Variants in GLT8D2 observed in about 807,000 individuals in gnomAD.
The protein encoded by GLT8D2 is glycosyltransferase 8 domain containing 2, also known as glycosyltransferase 8 domain-containing protein 2.
A neutral mutation model predicts 44.5 loss-of-function variants in GLT8D2; 45 were observed. The observed-to-expected ratio is 1.01, with a 90% CI of 0.80 to 1.30. The LOEUF is 1.30. GLT8D2 is among the 50% of genes most tolerant of loss of function. The pLI is 0.00. For synonymous variants in GLT8D2, 156 were observed against 157.2 expected (o/e 0.99, Z 0.06); for missense variants, 400 against 430.4 (o/e 0.93, Z 0.62).
chr12:103,996,884 C>T, intron 7 of GLT8D2, 37 bp from the exon 8 acceptor site: 4 of 1,476,552 alleles, frequency 2.7e-6, no homozygotes, highest in Middle Eastern at 3.5e-4. Flanking sequence ...AACATTATAG[C>T]ATTTGTTTTT....
rs555487529 is a variant in GLT8D2 at position 104,005,556 on chromosome 12, TCAA to T, written c.113-2253_113-2251del. 2.6e-4 allele frequency among the ~76,000 whole-genome samples: 39 copies of T among 152,112 alleles called. No homozygotes were observed. The South Asian group carries it at 6.4e-3, about 25-fold the overall frequency. On this transcript the variant is annotated intron_variant, in intron 4 of 10. Coordinates refer to ENST00000360814, the MANE Select transcript of GLT8D2 (RefSeq NM_001384711.1). ...TACAAGAAAAAAACAAACAACCCCATCAACAAGTGGGAGAAGGATATGAACAGA... is the reference window on the plus strand; with the variant it reads ...TACAAGAAAAAAACAAACAACCCCATCAAGTGGGAGAAGGATATGAACAGA...
chr12:104,057,516 CAA>C (rs56844816), intron 1 of GLT8D2, among the ~76,000 whole-genome samples: 11 of 135,530 alleles, frequency 8.1e-5, no homozygotes, highest in Admixed American at 1.5e-4. Flanking sequence ...GACCCTGTCT[CAA>C]AAAAAAAAAA....
At chr12:104,010,222 T>C (rs1407419855) in intron 4 of GLT8D2, among the ~76,000 whole-genome samples, 1 of 152,134 alleles carries the variant, frequency 6.6e-6, no homozygotes, top group Non-Finnish European at 1.5e-5. Context: ...AGACCCCTCA[T>C]GATCCAGCCC....
chr12:104,028,927 A>T (rs866733401), intron 1 of GLT8D2, among the ~76,000 whole-genome samples: 8 of 152,058 alleles, frequency 5.3e-5, no homozygotes, highest in Non-Finnish European at 1.0e-4. Flanking sequence ...AAATATGTCA[A>T]TATCATGAAA....
intron 1 of GLT8D2, among the ~76,000 whole-genome samples, chr12:104,025,349 C>T (rs909420301): frequency 2.0e-5 from 3 of 151,938 alleles, no homozygotes; most frequent in Admixed American, 6.6e-5. Flanking sequence ...GCTGGGACTA[C>T]AGGTGCACAC....
intron 1 of GLT8D2, among the ~76,000 whole-genome samples, chr12:104,028,135 C>T (rs1002177003): frequency 1.3e-5 from 2 of 152,186 alleles, no homozygotes; most frequent in Non-Finnish European, 2.9e-5. Flanking sequence ...CAGATAATCG[C>T]ATGCCAATTG....
At chr12:104,062,942 G>A (rs1226791254) in intron 1 of GLT8D2, among the ~76,000 whole-genome samples, 2 of 151,998 alleles carry the variant, frequency 1.3e-5, no homozygotes, top group Admixed American at 6.6e-5. Flanking sequence ...CAGATCAACC[G>A]CGCATTAGAT....
intron 1 of GLT8D2, among the ~76,000 whole-genome samples, chr12:104,034,649 T>C (rs552852530): frequency 1.3e-5 from 2 of 152,378 alleles, no homozygotes; most frequent in Admixed American, 1.3e-4. Context: ...AAGCTTGAAC[T>C]GGGCAGAGCC....
At chr12:104,035,282 C>T (rs760723517) in intron 1 of GLT8D2, among the ~76,000 whole-genome samples, 1 of 152,164 alleles carries the variant, frequency 6.6e-6, no homozygotes, top group African/African-American at 2.4e-5. Context: ...CACAGCTCCT[C>T]GCCAGCAATG....
chr12:104,042,819 T>C (rs1407247416), intron 1 of GLT8D2, among the ~76,000 whole-genome samples: 2 of 152,278 alleles, frequency 1.3e-5, no homozygotes, highest in African/African-American at 2.4e-5. Context: ...TTTAAGAAAG[T>C]TGATGAATTT....
intron 1 of GLT8D2, among the ~76,000 whole-genome samples, chr12:104,033,137 C>T (rs551012572): frequency 6.6e-6 from 1 of 152,296 alleles, no homozygotes; most frequent in African/African-American, 2.4e-5. Context: ...CCACCTCAGC[C>T]TCCCAAAGTG....
At chr12:104,022,078 A>G (rs949036609) in intron 1 of GLT8D2, among the ~76,000 whole-genome samples, 15 of 140,860 alleles carry the variant, frequency 1.1e-4, no homozygotes, top group Admixed American at 3.5e-4. Flanking sequence ...AAGAAAGAAA[A>G]AAAAAGAAAG....
intron 4 of GLT8D2, among the ~76,000 whole-genome samples, chr12:104,009,063 G>A (rs756405912): frequency 6.6e-6 from 1 of 152,220 alleles, no homozygotes; most frequent in African/African-American, 2.4e-5. Context: ...GAGCCCCCAC[G>A]CAGAGTCCCT....
chr12:104,006,554 CTG>C (rs1345389756), intron 4 of GLT8D2, among the ~76,000 whole-genome samples: 2 of 152,276 alleles, frequency 1.3e-5, no homozygotes, highest in African/African-American at 4.8e-5. Flanking sequence ...GAAGAGATAA[CTG>C]TGCATGCCTC....
At chr12:104,064,312 G>T (rs1882957493), upstream of GLT8D2, 2 of 403,816 alleles carry the variant, frequency 5.0e-6, no homozygotes, top group Non-Finnish European at 8.8e-6. The surrounding 1 kb of genome is among the most constrained non-coding windows in gnomAD (Gnocchi z 7.3). Flanking sequence ...AGTGGGAAGC[G>T]TCCTTCCACC....
chr12:104,011,953 T>G (rs148546804), intron 4 of GLT8D2, among the ~76,000 whole-genome samples: 2 of 151,870 alleles, frequency 1.3e-5, no homozygotes, highest in East Asian at 3.9e-4. Flanking sequence ...GGGCAGATCA[T>G]CTGAGGTCAG....
chr12:104,018,019 G>C (rs1459028574), intron 3 of GLT8D2, among the ~76,000 whole-genome samples: 4 of 151,904 alleles, frequency 2.6e-5, no homozygotes, highest in Non-Finnish European at 5.9e-5. Flanking sequence ...GCCCTGGCTG[G>C]AGTGCAGCAG....
intron 6 of GLT8D2, 105 bp from the exon 7 acceptor site, chr12:103,997,640 AGGTT>A: frequency 1.3e-6 from 1 of 778,974 alleles, no homozygotes; most frequent in Non-Finnish European, 2.3e-6. Context: ...GCTCAGCTCC[AGGTT>A]TGGAGCGGAA....
chr12:104,008,174 G>C (rs1403936131), intron 4 of GLT8D2, among the ~76,000 whole-genome samples: 1 of 152,200 alleles, frequency 6.6e-6, no homozygotes, highest in Non-Finnish European at 1.5e-5. Context: ...GTTTGGAGGG[G>C]TCAGAAGAAG....
Sources: allele counts gnomAD v4.1 joint callset (sites outside exome capture counted in the v4.1 genomes callset), GRCh38; gene constraint gnomAD v4.1.1; non-coding constraint Gnocchi (gnomAD v3.1); transcripts MANE v1.5; gene names NCBI Gene and HGNC (gene_info 2026-07-23, HGNC 2026-07-21).